The following PCDH9 variants were observed in gnomAD, a reference collection of about 807,000 sequenced individuals.
PCDH9 encodes protocadherin 9, also known as protocadherin-9.
PCDH9 carries 24 observed loss-of-function variants against 70.6 expected under a neutral mutation model. The ratio of observed to expected loss-of-function variants is 0.34; its 90% confidence interval spans 0.25 to 0.48. The LOEUF (loss-of-function observed/expected upper bound fraction) is 0.48, where lower values mean the gene tolerates loss of function less well. PCDH9 is among the 20% of genes least tolerant of loss of function. The pLI, the probability that PCDH9 is intolerant of heterozygous loss-of-function variation, is 0.99. For synonymous variants in PCDH9, 562 were observed against 558.5 expected, an observed-to-expected ratio of 1.01 and a Z score of -0.09; for missense variants, 1,281 against 1,503.6, an observed-to-expected ratio of 0.85 and a Z score of 2.45.
chr13:67,114,852 T>C (rs1165605662), intron 2 of PCDH9, among the ~76,000 whole-genome samples: 4 of 152,236 alleles, frequency 2.6e-5, no homozygotes, highest in Non-Finnish European at 5.9e-5. Flanking sequence ...TTTTTTCCTT[T>C]GTATCTGATT....
At chr13:66,502,677 T>C (rs973062669) in intron 4 of PCDH9, among the ~76,000 whole-genome samples, 1 of 152,130 alleles carries the variant, frequency 6.6e-6, no homozygotes, top group African/African-American at 2.4e-5. Flanking sequence ...TTTAATAAAA[T>C]AGAAGTGCTC....
intron 3 of PCDH9, among the ~76,000 whole-genome samples, chr13:66,794,976 G>GGC (rs888107016): frequency 6.7e-3 from 147 of 21,966 alleles, no homozygotes; most frequent in African/African-American, 9.0e-3. Context: ...GACACACACA[G>GGC]GCACACACAC....
chr13:66,723,578 A>T lies in PCDH9; in HGVS notation c.3139-92167T>A, dbSNP rs77490331. Among the ~76,000 whole-genome samples, 368 of 152,376 alleles carry T rather than the reference A, an allele frequency of 2.4e-3. 5 individuals are homozygous for T. The highest frequency in any genetic ancestry group is 0.017 in the East Asian group (90 of 5,186). ...GCATTGACTGTGGTTTAAGGCAAGGATTTCGCTTGGAACCAGATGGCCTGA... is the reference window on the plus strand; with the variant it reads ...GCATTGACTGTGGTTTAAGGCAAGGTTTTCGCTTGGAACCAGATGGCCTGA... On this transcript the variant is annotated intron_variant, in intron 3 of 4. Coordinates refer to ENST00000377865, the MANE Select transcript of PCDH9 (RefSeq NM_203487.3).
At chr13:67,156,885 TG>T in intron 2 of PCDH9, among the ~76,000 whole-genome samples, 1 of 152,282 alleles carries the variant, frequency 6.6e-6, no homozygotes, top group East Asian at 1.9e-4. Context: ...AGTGGGGCAC[TG>T]GAGAGCCACA....
chr13:66,382,393 T>G (rs1439620976), intron 4 of PCDH9, among the ~76,000 whole-genome samples: 1 of 152,000 alleles, frequency 6.6e-6, no homozygotes, highest in Non-Finnish European at 1.5e-5. Context: ...GGGTTGGTGG[T>G]TACTCAGAAA....
intron 2 of PCDH9, among the ~76,000 whole-genome samples, chr13:67,092,677 G>C (rs1176466230): frequency 6.6e-6 from 1 of 152,066 alleles, no homozygotes. Flanking sequence ...CATCTCAAAG[G>C]TACTAAACCG....
At chr13:66,618,325 G>A (rs989988431) in intron 4 of PCDH9, among the ~76,000 whole-genome samples, 5 of 152,044 alleles carry the variant, frequency 3.3e-5, no homozygotes, top group African/African-American at 1.2e-4. Context: ...ATTAAAATCC[G>A]AGCACTCATG....
intron 3 of PCDH9, among the ~76,000 whole-genome samples, chr13:66,865,718 A>G (rs1389409736): frequency 6.6e-6 from 1 of 152,230 alleles, no homozygotes; most frequent in Non-Finnish European, 1.5e-5. Context: ...GTCCTATGGT[A>G]AAGCCTCATT....
intron 2 of PCDH9, among the ~76,000 whole-genome samples, chr13:66,927,394 G>A (rs2082734059): frequency 1.3e-5 from 2 of 151,942 alleles, no homozygotes; most frequent in African/African-American, 2.4e-5. Flanking sequence ...CGAGGGTGGA[G>A]GATAGGAGGA....
rs138468779 is a variant in PCDH9 at position 66,460,390 on chromosome 13, C to A, written c.3341-155362G>T. Reference sequence around the variant, plus strand: ...ACTCATGCAGGAATGAATTCTGCACCTGCCCAGTACCTGCTTACTTAACAA... The same window carrying A: ...ACTCATGCAGGAATGAATTCTGCACATGCCCAGTACCTGCTTACTTAACAA... On this transcript the variant is annotated intron_variant, in intron 4 of 4. Coordinates refer to ENST00000377865, the MANE Select transcript of PCDH9 (RefSeq NM_203487.3). Among the ~76,000 whole-genome samples, 22 of 152,038 alleles carry A rather than the reference C, an allele frequency of 1.4e-4. No individual in the cohort carries two copies. The East Asian group carries it at 4.1e-3, about 28-fold the overall frequency.
chr13:66,901,446 G>A (rs1391147237), intron 3 of PCDH9, among the ~76,000 whole-genome samples: 1 of 151,676 alleles, frequency 6.6e-6, no homozygotes, highest in Non-Finnish European at 1.5e-5. Context: ...GGATGGGTAG[G>A]ACCTTCCAGA....
intron 2 of PCDH9, among the ~76,000 whole-genome samples, chr13:67,146,191 T>C (rs1267974131): frequency 6.6e-6 from 1 of 152,166 alleles, no homozygotes; most frequent in African/African-American, 2.4e-5. Context: ...CTGTCTGTTA[T>C]ACTTGACATT....
chr13:66,849,498 AT>A (rs2081273665), intron 3 of PCDH9, among the ~76,000 whole-genome samples: 1 of 68,690 alleles, frequency 1.5e-5, no homozygotes, highest in Non-Finnish European at 3.1e-5. Flanking sequence ...ATATATATAT[AT>A]ATATATATAT....
At chr13:66,868,829 G>A (rs2081621055) in intron 3 of PCDH9, among the ~76,000 whole-genome samples, 1 of 152,094 alleles carries the variant, frequency 6.6e-6, no homozygotes, top group African/African-American at 2.4e-5. Flanking sequence ...GATATTACAT[G>A]CTTACCATTT....
chr13:66,452,018 A>C (rs1958223301), intron 4 of PCDH9, among the ~76,000 whole-genome samples: 1 of 152,156 alleles, frequency 6.6e-6, no homozygotes, highest in Non-Finnish European at 1.5e-5. Context: ...AAATTCTGAA[A>C]TATTCTTTTA....
At chr13:66,804,168 C>A (rs1566205082) in intron 3 of PCDH9, among the ~76,000 whole-genome samples, 1 of 152,186 alleles carries the variant, frequency 6.6e-6, no homozygotes, top group African/African-American at 2.4e-5. Context: ...TTCTCTCTTG[C>A]TCTTCCCCTA....
chr13:66,504,692 A>G lies in PCDH9; in HGVS notation c.3340+126518T>C, dbSNP rs545967988. Among the ~76,000 whole-genome samples the G allele has an allele frequency of 1.8e-4, 28 of 152,328 alleles. No homozygotes were observed. The South Asian group carries it at 3.3e-3, about 18-fold the overall frequency. Reference sequence around the variant, plus strand: ...AGAGCCAAGGACTATGACTAGCATAATGAGTGCTCAGTAAATACATGTGGG... The same window carrying G: ...AGAGCCAAGGACTATGACTAGCATAGTGAGTGCTCAGTAAATACATGTGGG... On this transcript the variant is annotated intron_variant, in intron 4 of 4. Coordinates refer to ENST00000377865, the MANE Select transcript of PCDH9 (RefSeq NM_203487.3).
intron 3 of PCDH9, among the ~76,000 whole-genome samples, chr13:66,670,523 C>A (rs1474145682): frequency 6.6e-6 from 1 of 152,040 alleles, no homozygotes; most frequent in Non-Finnish European, 1.5e-5. Flanking sequence ...AGAAACTTAT[C>A]CAACTTGGTG....
chr13:66,821,014 T>C (rs1594103311), intron 3 of PCDH9, among the ~76,000 whole-genome samples: 1 of 152,108 alleles, frequency 6.6e-6, no homozygotes, highest in East Asian at 1.9e-4. Flanking sequence ...TTAAAAAGAT[T>C]CCCTCCTTTG....
Sources: allele counts gnomAD v4.1 joint callset (sites outside exome capture counted in the v4.1 genomes callset), GRCh38; gene constraint gnomAD v4.1.1; transcripts MANE v1.5; gene names NCBI Gene and HGNC (gene_info 2026-07-23, HGNC 2026-07-21).